GPR35: variants seen among roughly 807,000 people sequenced by gnomAD.
GPR35 encodes KYNA receptor.
For missense variants in GPR35, 372 were observed against 422.5 expected, an observed-to-expected ratio of 0.88 and a Z score of 1.05; for synonymous variants, 207 against 198.4, an observed-to-expected ratio of 1.04 and a Z score of -0.36.
At chr2:240,625,884 G>C (rs2043368069) in intron 1 of GPR35, among the ~76,000 whole-genome samples, 6 of 139,972 alleles carry the variant, frequency 4.3e-5, no homozygotes, top group African/African-American at 1.6e-4. Flanking sequence ...GTGAGGCTGT[G>C]ATGGGGGTCT....
chr2:240,614,784 A>G (rs1304207250), intron 2 of GPR35, among the ~76,000 whole-genome samples: 2 of 152,134 alleles, frequency 1.3e-5, no homozygotes, highest in African/African-American at 4.8e-5. Context: ...GGCCCCTCCA[A>G]TGATGTAGCT....
chr2:240,632,400 C>G lies in GPR35; in HGVS notation c.*1518C>G, dbSNP rs1287058893. Among the ~76,000 whole-genome samples the G allele has an allele frequency of 6.6e-6, 1 of 151,720 alleles. No individual in the cohort carries two copies. The highest frequency in any genetic ancestry group is 2.4e-5 in the African/African-American group (1 of 41,240). On this transcript the variant is annotated 3_prime_UTR_variant, in exon 2 of 2. Coordinates refer to ENST00000407714, the MANE Select transcript of GPR35 (RefSeq NM_005301.5). Reference sequence around the variant, plus strand: ...GGCTCCATGTCAAGAAAGATTCATGCCTAGGAGGGTTCATGCCCAGGAGTG... The same window carrying G: ...GGCTCCATGTCAAGAAAGATTCATGGCTAGGAGGGTTCATGCCCAGGAGTG...
intron 2 of GPR35, among the ~76,000 whole-genome samples, chr2:240,608,721 T>C (rs2043158455): frequency 6.6e-6 from 1 of 152,218 alleles, no homozygotes; most frequent in African/African-American, 2.4e-5. Context: ...AATATCTTTG[T>C]CCAGTTTTGG....
chr2:240,625,590 A>G (rs1250544375), intron 1 of GPR35, 22 bp downstream of exon 1: 5 of 974,930 alleles, frequency 5.1e-6, no homozygotes, highest in Admixed American at 6.4e-5. Flanking sequence ...CCACTGCCCT[A>G]GGGGCCTCCC....
rs538915527 is a variant in GPR35, at chr2:240,630,395, T to A, written c.443T>A (p.Leu148Gln). The change falls in exon 2 of 2, where the codon CTG becomes CAG. Residue 148 changes from leucine (L) to glutamine (Q), a missense_variant. Coordinates refer to ENST00000407714, the MANE Select transcript of GPR35 (RefSeq NM_005301.5). ...CTCTGGGTGCTGGTCATCGGCTCCC[T>A]GGTGGCTCGCTGGCTCCTGGGGATT... ...AVLWVLVIGS[L>Q]VARWLLGIQE... 1.2e-6 allele frequency: 2 copies of A among 1,611,676 alleles called. No homozygotes were observed. The highest frequency in any genetic ancestry group is 2.7e-5 in the African/African-American group (2 of 75,040).
chr2:240,609,373 C>T (rs2043163059), intron 2 of GPR35, among the ~76,000 whole-genome samples: 1 of 152,180 alleles, frequency 6.6e-6, no homozygotes, highest in Admixed American at 6.5e-5. Flanking sequence ...CTAAGCATCA[C>T]ACTAACCTTA....
At chr2:240,621,398 G>GTGT, upstream of GPR35, among the ~76,000 whole-genome samples, 1 of 152,116 alleles carries the variant, frequency 6.6e-6, no homozygotes, top group South Asian at 2.1e-4. Context: ...GGGACTACAG[G>GTGT]CACGCGCCAC....
exon 4 of GPR35, chr2:240,617,393 G>A: frequency 3.2e-6 from 2 of 618,372 alleles, no homozygotes; most frequent in Non-Finnish European, 5.9e-6. Context: ...TCATTTTAGA[G>A]GTAATTTTTT....
intron 5 of GPR35, among the ~76,000 whole-genome samples, chr2:240,620,070 C>T (rs1559435943): frequency 1.3e-5 from 2 of 152,188 alleles, no homozygotes; most frequent in Admixed American, 1.3e-4. Context: ...CCCTGCTGTC[C>T]AGGGCCAAGA....
upstream of GPR35, among the ~76,000 whole-genome samples, chr2:240,621,329 A>T (rs1285193667): frequency 6.6e-6 from 1 of 152,090 alleles, no homozygotes; most frequent in Non-Finnish European, 1.5e-5. Flanking sequence ...ATCTCGGCTC[A>T]CCACAACCTC....
intron 5 of GPR35, among the ~76,000 whole-genome samples, chr2:240,619,806 G>A (rs1049008409): frequency 2.6e-5 from 4 of 152,238 alleles, no homozygotes; most frequent in Admixed American, 1.3e-4. Context: ...GCCTCAGGCA[G>A]GCAGTGGGGA....
Position 240,630,505 on chromosome 2 carries a change from GC to G in GPR35, c.555del (p.Val186TrpfsTer7), listed in dbSNP as rs1441873354. ...GCTGCTGGGATTCTACCTGCCCCTGGCCGTGGTGGTCTTCTGCTCCCTGAAG... is the reference window on the plus strand; with the variant it reads ...GCTGCTGGGATTCTACCTGCCCCTGGCGTGGTGGTCTTCTGCTCCCTGAAG... ...FPLLGFYLPL[A>X]VVVFCSLKVV... On this transcript the variant is annotated frameshift_variant, in exon 2 of 2. Coordinates refer to ENST00000407714, the MANE Select transcript of GPR35 (RefSeq NM_005301.5). LOFTEE classifies it low-confidence loss of function (END_TRUNC). 6.2e-7 allele frequency: 1 copy of G among 1,612,916 alleles called. No individual in the cohort carries two copies. The highest frequency in any genetic ancestry group is 8.5e-7 in the Non-Finnish European group (1 of 1,179,964).
Position 240,607,088 on chromosome 2 carries a change from T to C in GPR35, c.-577+476T>C, listed in dbSNP as rs188413159. 16 of 152,328 alleles carry C rather than the reference T, an allele frequency of 1.1e-4. 1 individual carries two copies. In the East Asian group the frequency reaches 1.2e-3, roughly 11 times the overall value. 9.4% of individuals were successfully genotyped at this position (152,328 alleles called of 1,614,324 possible). A position where few individuals can be genotyped will look rare whatever the true frequency, so the allele number is the denominator to read the frequency against. ...TTGGGGCATGGTGCTTAATGCTTGA[T>C]TGGATTGATCACATAGATGACTATG... is the stretch of plus-strand genomic sequence containing the variant. On this transcript the variant is annotated intron_variant, in intron 2 of 5. Transcript: ENST00000319838.
At chr2:240,627,388 G>C (rs891586656) in intron 1 of GPR35, 1 of 152,206 alleles carries the variant, frequency 6.6e-6, no homozygotes, top group African/African-American at 2.4e-5. Context: ...CGAAACTCTT[G>C]CAACATTTGC....
rs1308433151 is a variant in GPR35, at chr2:240,631,925, G to A, written c.*1043G>A. Among the ~76,000 whole-genome samples the A allele has an allele frequency of 6.6e-6, 1 of 152,222 alleles. No homozygotes were observed. The highest frequency in any genetic ancestry group is 6.5e-5 in the Admixed American group (1 of 15,290). On this transcript the variant is annotated 3_prime_UTR_variant, in exon 2 of 2. Coordinates refer to ENST00000407714, the MANE Select transcript of GPR35 (RefSeq NM_005301.5). ...TGGAGAGAGATGGCAGTCATGTTCT[G>A]GCAGGGACATGGCACAAGCATGCGG... is the stretch of plus-strand genomic sequence containing the variant.
intron 2 of GPR35, among the ~76,000 whole-genome samples, chr2:240,614,562 C>T (rs1575461707): frequency 6.6e-6 from 1 of 152,234 alleles, no homozygotes; most frequent in East Asian, 1.9e-4. Flanking sequence ...TTGGAACAGG[C>T]CTGCCCCTGG....
intron 2 of GPR35, among the ~76,000 whole-genome samples, chr2:240,612,641 G>A (rs1277384769): frequency 1.3e-5 from 2 of 152,310 alleles, no homozygotes; most frequent in East Asian, 3.9e-4. Context: ...TGAGGAAATG[G>A]ACTCTGTGAG....
chr2:240,612,897 A>G (rs148600460), intron 2 of GPR35, among the ~76,000 whole-genome samples: 2 of 152,328 alleles, frequency 1.3e-5, no homozygotes, highest in African/African-American at 4.8e-5. Context: ...GAATTCTGCG[A>G]TTGGAGCTGT....
Position 240,631,758 on chromosome 2 carries a change from C to G in GPR35, c.*876C>G, listed in dbSNP as rs141518526. Among the ~76,000 whole-genome samples the G allele has an allele frequency of 4.5e-4, 69 of 152,308 alleles. No individual in the cohort carries two copies. The highest frequency in any genetic ancestry group is 1.6e-3 in the African/African-American group (68 of 41,576). On this transcript the variant is annotated 3_prime_UTR_variant, in exon 2 of 2. Coordinates refer to ENST00000407714, the MANE Select transcript of GPR35 (RefSeq NM_005301.5). ...CTGTACTCCTGCATGGAGGGCATCT[C>G]GAAACCCAAGCTGGAAGGACAGGGC...
Sources: allele counts gnomAD v4.1 joint callset (sites outside exome capture counted in the v4.1 genomes callset), GRCh38; gene constraint gnomAD v4.1.1; transcripts MANE v1.5; gene names NCBI Gene and HGNC (gene_info 2026-07-23, HGNC 2026-07-21).